Variants in TKT observed in about 807,000 individuals in gnomAD.
The protein encoded by TKT is epididymis luminal protein 107.
In TKT, 47 loss-of-function variants were observed where a neutral mutation model predicts 63.9. The observed-to-expected ratio is 0.74, with a 90% confidence interval of 0.58 to 0.94. The LOEUF is 0.94. Ranked by LOEUF, TKT falls within the 40% of genes least tolerant of loss-of-function variation. The pLI is 0.00. For synonymous variants in TKT, 338 were observed against 334.1 expected (o/e 1.01, Z -0.13); for missense variants, 721 against 846.2 (o/e 0.85, Z 1.84).
rs1553680087 is a variant in TKT, at chr3:53,242,261, G to A, written c.108-19C>T. The A allele has an allele frequency of 6.2e-7, 1 of 1,609,668 alleles. No individual in the cohort carries two copies. The highest frequency in any genetic ancestry group is 1.3e-5 in the African/African-American group (1 of 74,774). The stretch of plus-strand genomic sequence containing the variant: ...GGGGTGGCTGTGGCCCAGGAGAGAA[G>A]ACAGACACAGGCATCATGGCCCTGC... On this transcript the variant is annotated intron_variant, in intron 1 of 13. Coordinates refer to ENST00000462138, the MANE Select transcript of TKT (RefSeq NM_001064.4).
intron 1 of TKT, among the ~76,000 whole-genome samples, chr3:53,245,328 C>T (rs1291016749): frequency 6.7e-6 from 1 of 150,020 alleles, no homozygotes; most frequent in East Asian, 2.0e-4. Flanking sequence ...AAAAAAAGCC[C>T]CCTCTCCACT....
intron 12 of TKT, chr3:53,227,646 AACCCT>A (rs1704556847): frequency 1.1e-5 from 2 of 176,502 alleles, no homozygotes; most frequent in South Asian, 2.4e-4. Flanking sequence ...ACATGCATGT[AACCCT>A]CAGGAGAGCT....
At chr3:53,243,134 C>A (rs2106708787) in intron 1 of TKT, among the ~76,000 whole-genome samples, 1 of 152,140 alleles carries the variant, frequency 6.6e-6, no homozygotes. Context: ...CCACGGAGTC[C>A]CCTTGGCTTT....
intron 1 of TKT, among the ~76,000 whole-genome samples, 156 bp downstream of exon 1, chr3:53,255,680 C>A (rs1214754431): frequency 6.6e-6 from 1 of 151,896 alleles, no homozygotes; most frequent in African/African-American, 2.4e-5. Context: ...AGCCCGGGGC[C>A]CTGCGAGGCG....
intron 5 of TKT, chr3:53,234,714 C>A (rs1343713055): frequency 2.9e-6 from 1 of 348,412 alleles, no homozygotes; most frequent in African/African-American, 2.1e-5. Context: ...AGCGAGCTGA[C>A]GTGAGATGGT....
Position 53,229,064 on chromosome 3 carries a change from A to G in TKT, c.1338T>C (p.Phe446=), listed in dbSNP as rs1704624433. The change falls in exon 10 of 14, where the codon TTT becomes TTC. Residue 446 remains phenylalanine, a synonymous_variant. Transcript: ENST00000462138. ...CTGTAGCAACGCCATCACTTGGGTA[A>G]AAGACAGTTGATGTGGGGACTGACC... ...MFRSVPTSTV[F]YPSDGVATEK... is the part of the protein sequence containing the mutation. 1 of 1,614,024 alleles carries G rather than the reference A, an allele frequency of 6.2e-7. No homozygotes were observed. The highest frequency in any genetic ancestry group is 1.3e-5 in the African/African-American group (1 of 74,920).
chr3:53,233,191 A>T lies in TKT; in HGVS notation c.713T>A (p.Ile238Asn). Residue 238 changes from isoleucine to asparagine, a missense_variant, in exon 6 of 14, where the codon ATC becomes AAC. Ile to Asn is a moderately radical substitution (Grantham distance 149). Transcript: ENST00000462138. ...FGQAKHQPTAIIAKTFKGRGI... is the reference protein window; with the variant it reads ...FGQAKHQPTANIAKTFKGRGI... ...TCGGCCCTTGAAGGTCTTGGCAATG[A>T]TGGCTGTTGGCTGGTGCTTGGCCTG... is the stretch of plus-strand genomic sequence containing the variant. 1 of 1,613,984 alleles carries T rather than the reference A, an allele frequency of 6.2e-7. No individual in the cohort carries two copies. Among genetic ancestry groups the T allele is most frequent in the Non-Finnish European group, 8.5e-7 (1 of 1,179,946 alleles).
In TKT at chr3:53,255,822, C is replaced by A; in HGVS notation, c.107+14G>T. ...CCGCCCGAGCCGCGTCCCCGGCCGG[C>A]GCCGCGCACTCACCCAGAGCCCGCC... On this transcript the variant is annotated intron_variant, in intron 1 of 13. Coordinates refer to ENST00000462138, the MANE Select transcript of TKT (RefSeq NM_001064.4). 1.3e-6 allele frequency: 2 copies of A among 1,482,146 alleles called. 1 individual carries two copies. The highest frequency in any genetic ancestry group is 2.7e-5 in the South Asian group (2 of 74,526). 91.8% of individuals were successfully genotyped at this position (1,482,146 alleles called of 1,614,324 possible). A position where few individuals can be genotyped will look rare whatever the true frequency, so the allele number is the denominator to read the frequency against.
At chr3:53,231,601 A>G in intron 6 of TKT, 51 bp from the exon 7 acceptor site, 4 of 1,563,072 alleles carry the variant, frequency 2.6e-6, no homozygotes, top group Non-Finnish European at 3.5e-6. Flanking sequence ...AGAAGCTCCC[A>G]GAGGGCCAGG....
At chr3:53,247,510 C>T (rs1705568148) in intron 1 of TKT, among the ~76,000 whole-genome samples, 1 of 150,648 alleles carries the variant, frequency 6.6e-6, no homozygotes, top group Admixed American at 6.6e-5. Context: ...TGGTGCGGGC[C>T]ACTAGTCCCA....
chr3:53,232,511 T>A lies in TKT; in HGVS notation c.748+645A>T, dbSNP rs981413987. 6.5e-5 allele frequency: 26 copies of A among 398,614 alleles called. 1 individual carries two copies. Among genetic ancestry groups the A allele is most frequent in the African/African-American group, 5.1e-4 (25 of 48,634 alleles). The allele number at this position is 398,614 out of a possible 1,614,324, so 24.7% of individuals were successfully genotyped here. The stretch of plus-strand genomic sequence containing the variant: ...CCCCTCGTGCCATAGACTTCCTCTG[T>A]CCCCGGGCAAGTCCCTGACCACTTG... On this transcript the variant is annotated intron_variant, in intron 6 of 13. Coordinates refer to ENST00000462138, the MANE Select transcript of TKT (RefSeq NM_001064.4).
At chr3:53,243,702 C>G (rs1553680403) in intron 1 of TKT, 1 of 447,442 alleles carries the variant, frequency 2.2e-6, no homozygotes, top group Non-Finnish European at 4.5e-6. Context: ...GCTCCCAGTG[C>G]CAGCTTCAAC....
At chr3:53,228,507 C>A in intron 10 of TKT, 148 bp from the exon 11 acceptor site, 1 of 869,940 alleles carries the variant, frequency 1.1e-6, no homozygotes, top group Non-Finnish European at 1.8e-6. Flanking sequence ...CTTGCTTGCC[C>A]TCTGCCGCCC....
chr3:53,250,983 T>C (rs142313791), intron 1 of TKT, among the ~76,000 whole-genome samples: 1 of 152,044 alleles, frequency 6.6e-6, no homozygotes, highest in African/African-American at 2.4e-5. Flanking sequence ...GTTGCCCAGT[T>C]TGGTCCTGAA....
chr3:53,242,287 A>T (rs1553680100), intron 1 of TKT, 45 bp from the exon 2 acceptor site: 13 of 1,576,662 alleles, frequency 8.2e-6, no homozygotes, highest in Non-Finnish European at 9.6e-6. Flanking sequence ...ATGGCCCTGC[A>T]CTCCTGAGCT....
rs1033746001 is a variant in TKT, at chr3:53,240,330, C to G, written c.358G>C (p.Val120Leu). 1.1e-5 allele frequency: 17 copies of G among 1,612,622 alleles called. No homozygotes were observed. The highest frequency in any genetic ancestry group is 1.6e-4 in the Middle Eastern group (1 of 6,078). Reference sequence around the variant, plus strand: ...CCCTGGCCCAGGGAGCCAGTGGCCACGTCGGTGAAAGCTTGTTTCTGTCAT... The same window carrying G: ...CCCTGGCCCAGGGAGCCAGTGGCCAGGTCGGTGAAAGCTTGTTTCTGTCAT... Reference protein sequence around the residue: ...HPVPKQAFTDVATGSLGQGLG... With the variant: ...HPVPKQAFTDLATGSLGQGLG... The change falls in exon 4 of 14, where the codon GTG (valine) becomes CTG (leucine). Residue 120 changes from valine (V) to leucine (L), a missense_variant. Transcript: ENST00000462138.
At chr3:53,242,015 G>C (rs1423070433) in intron 2 of TKT, 110 bp downstream of exon 2, 1 of 986,228 alleles carries the variant, frequency 1.0e-6, no homozygotes, top group Non-Finnish European at 1.6e-6. Context: ...GAAGGCACCT[G>C]GGAGAGGTGG....
At chr3:53,226,723 C>T (rs1222550677) in intron 13 of TKT, 33 bp downstream of exon 13, 1 of 1,613,854 alleles carries the variant, frequency 6.2e-7, no homozygotes, top group Non-Finnish European at 8.5e-7. Context: ...GGCCCTGTCC[C>T]TTGCCCAGCC....
chr3:53,251,376 G>GA (rs1553681639), intron 1 of TKT, among the ~76,000 whole-genome samples: 1 of 152,158 alleles, frequency 6.6e-6, no homozygotes, highest in Non-Finnish European at 1.5e-5. Context: ...CTGGGGTTTT[G>GA]TTTTTTTAAA....
Sources: gnomAD v4.1 joint callset for allele counts (sites outside exome capture counted in the v4.1 genomes callset) on GRCh38, gnomAD v4.1.1 for gene constraint, MANE v1.5 for transcripts, NCBI Gene and HGNC (gene_info 2026-07-23, HGNC 2026-07-21) for gene names.